ZNF503: variants seen among roughly 807,000 people sequenced by gnomAD.
The protein encoded by ZNF503 is zinc finger protein 503.
A neutral mutation model predicts 34.4 loss-of-function variants in ZNF503; 15 were observed. That is an observed-to-expected ratio of 0.44 (90% CI 0.29 to 0.67). The LOEUF is 0.67. Among genes scored for constraint, ZNF503 ranks in the 30% least tolerant of loss-of-function variants. The probability of loss-of-function intolerance (pLI) is 0.13; values close to 1 mark genes in which losing one functional copy is unlikely to be tolerated. For missense variants in ZNF503, 1,007 were observed against 926.8 expected (o/e 1.09, Z -1.12); for synonymous variants, 580 against 456.8 (o/e 1.27, Z -3.44).
At chr10:75,320,305 A>G in the ZNF503 span, among the ~76,000 whole-genome samples, 1 of 150,360 alleles carries the variant, frequency 6.7e-6, no homozygotes, top group African/African-American at 2.5e-5. Context: ...AATATGGTGA[A>G]ACCCCGTCTC....
In ZNF503 at chr10:75,401,326, A is replaced by G. The variant is rs1346647236; in HGVS notation, c.94T>C (p.Trp32Arg). ...CTATTTCCAGAGAGCGCGCTGGTCC[A>G]GGCAGGGTCTGCACCGCCGCCTCCG... is the stretch of plus-strand genomic sequence containing the variant. Reference protein sequence around the residue: ...GGGGGGADPAWTSALSGNSSG... With the variant: ...GGGGGGADPARTSALSGNSSG... The change falls in exon 1 of 2, where the codon TGG (tryptophan) becomes CGG (arginine). Residue 32 changes from tryptophan to arginine, a missense_variant. Coordinates refer to ENST00000372524, the MANE Select transcript of ZNF503 (RefSeq NM_032772.6). 3.3e-6 allele frequency: 5 copies of G among 1,498,418 alleles called. No homozygotes were observed. Among genetic ancestry groups the G allele is most frequent in the Non-Finnish European group, 4.5e-6 (5 of 1,107,090 alleles). The allele number at this position is 1,498,418 out of a possible 1,614,324, so 92.8% of individuals were successfully genotyped here. A position where few individuals can be genotyped will look rare whatever the true frequency, so the allele number is the denominator to read the frequency against.
At chr10:75,357,191 G>T in the ZNF503 span, among the ~76,000 whole-genome samples, 26 of 152,070 alleles carry the variant, frequency 1.7e-4, no homozygotes, top group South Asian at 1.0e-3. Flanking sequence ...CAGAATGAGT[G>T]GGTCAAGACA....
At position 75,401,649 on chromosome 10, in the gene ZNF503, A is replaced by G. The variant is rs1843827836; in HGVS notation, c.-230T>C. ...CTAGAGGAGCCGGCTGGACTGCGGG[A>G]GTGCCGGGCGGCTCGCGGTGTCCGC... On this transcript the variant is annotated 5_prime_UTR_variant, in exon 1 of 2. Transcript: ENST00000372524. 3 of 526,242 alleles carry G rather than the reference A, an allele frequency of 5.7e-6. No individual in the cohort carries two copies. Among genetic ancestry groups the G allele is most frequent in the South Asian group, 2.5e-5 (1 of 39,656 alleles). The allele number at this position is 526,242 out of a possible 1,614,324, so 32.6% of individuals were successfully genotyped here.
chr10:75,312,257 C>T, the ZNF503 span, among the ~76,000 whole-genome samples: 1 of 151,834 alleles, frequency 6.6e-6, no homozygotes, highest in Non-Finnish European at 1.5e-5. Context: ...TAGAAAGCCT[C>T]AGTCAAGAAA....
the ZNF503 span, among the ~76,000 whole-genome samples, chr10:75,301,511 G>T: frequency 3.3e-5 from 5 of 152,062 alleles, no homozygotes; most frequent in South Asian, 2.1e-4. Context: ...AAAGTGCTGG[G>T]GTTACAGGCG....
At chr10:75,364,721 GT>G in the ZNF503 span, among the ~76,000 whole-genome samples, 19 of 152,134 alleles carry the variant, frequency 1.2e-4, no homozygotes, top group Non-Finnish European at 1.2e-4. Context: ...AAAAAAATTT[GT>G]GGGAAATCAT....
chr10:75,318,445 G>A, the ZNF503 span, among the ~76,000 whole-genome samples: 1 of 151,996 alleles, frequency 6.6e-6, no homozygotes, highest in Non-Finnish European at 1.5e-5. Context: ...CTGAAGCAGG[G>A]ATCACTTGAG....
At chr10:75,291,698 T>C in the ZNF503 span, among the ~76,000 whole-genome samples, 2 of 152,222 alleles carry the variant, frequency 1.3e-5, no homozygotes, top group African/African-American at 4.8e-5. Context: ...TTTTTCACTG[T>C]AACTGCTGCT....
At chr10:75,397,276 A>C (rs1843711201), downstream of ZNF503, among the ~76,000 whole-genome samples, 1 of 151,682 alleles carries the variant, frequency 6.6e-6, no homozygotes. Context: ...GGCAGCCAGA[A>C]GAAGAAAAGA....
the ZNF503 span, among the ~76,000 whole-genome samples, chr10:75,340,805 G>A: frequency 0.024 from 3,685 of 152,108 alleles, 149 homozygotes; most frequent in African/African-American, 0.085. Flanking sequence ...GTTTCACCAT[G>A]TTGGTCACGC....
the ZNF503 span, among the ~76,000 whole-genome samples, chr10:75,322,801 C>G: frequency 6.6e-6 from 1 of 152,332 alleles, no homozygotes; most frequent in African/African-American, 2.4e-5. Flanking sequence ...TATCATGCCA[C>G]TGCACTCTAA....
downstream of ZNF503, among the ~76,000 whole-genome samples, chr10:75,396,147 G>A (rs1425110821): frequency 4.6e-5 from 7 of 152,210 alleles, no homozygotes; most frequent in Non-Finnish European, 8.8e-5. The surrounding 1 kb of genome is among the most constrained non-coding windows in gnomAD (Gnocchi z 4.4). Flanking sequence ...CCCACCTGCA[G>A]GGCGGGGGAT....
At chr10:75,372,178 C>T in the ZNF503 span, among the ~76,000 whole-genome samples, 6 of 152,160 alleles carry the variant, frequency 3.9e-5, no homozygotes, top group African/African-American at 1.4e-4. Flanking sequence ...GTGATCAGCC[C>T]GCCTTAGCCT....
chr10:75,392,663 G>A, the ZNF503 span, among the ~76,000 whole-genome samples: 2 of 152,142 alleles, frequency 1.3e-5, no homozygotes, highest in African/African-American at 4.8e-5. Context: ...CAAAATCAGA[G>A]GATGAACCAT....
At chr10:75,372,400 G>A in the ZNF503 span, among the ~76,000 whole-genome samples, 1 of 152,206 alleles carries the variant, frequency 6.6e-6, no homozygotes, top group African/African-American at 2.4e-5. Context: ...TTTGTACTGA[G>A]CATTGTGATT....
the ZNF503 span, among the ~76,000 whole-genome samples, chr10:75,371,369 A>G: frequency 2.6e-5 from 4 of 152,318 alleles, no homozygotes; most frequent in Admixed American, 6.5e-5. Flanking sequence ...GGAGCACTCA[A>G]TAGAAATCTG....
chr10:75,292,901 T>A, the ZNF503 span, among the ~76,000 whole-genome samples: 1 of 152,226 alleles, frequency 6.6e-6, no homozygotes, highest in Admixed American at 6.5e-5. Context: ...GGTATTTTTT[T>A]CTTCCTCAGC....
the ZNF503 span, among the ~76,000 whole-genome samples, chr10:75,390,055 G>A: frequency 2.4e-4 from 36 of 152,030 alleles, no homozygotes; most frequent in Admixed American, 1.3e-3. Flanking sequence ...CACCACGCCC[G>A]GCTAATTTTG....
chr10:75,310,264 A>G, the ZNF503 span, among the ~76,000 whole-genome samples: 18 of 152,346 alleles, frequency 1.2e-4, no homozygotes, highest in African/African-American at 4.3e-4. Context: ...AAGACACTCA[A>G]TGGACTCAAG....
Sources: gnomAD v4.1 joint callset for allele counts (sites outside exome capture counted in the v4.1 genomes callset) on GRCh38, gnomAD v4.1.1 for gene constraint, Gnocchi (gnomAD v3.1) non-coding constraint, MANE v1.5 for transcripts, NCBI Gene and HGNC (gene_info 2026-07-23, HGNC 2026-07-21) for gene names.